The following PSMF1 variants were observed in gnomAD, a reference collection of about 807,000 sequenced individuals.
PSMF1 encodes the protein proteasome inhibitor PI31 subunit.
Under a neutral mutation model 29.3 loss-of-function variants are expected in PSMF1, and 30 were observed. That is an observed-to-expected ratio of 1.02 (90% CI 0.77 to 1.39). The LOEUF (loss-of-function observed/expected upper bound fraction) is 1.39, where lower values mean the gene tolerates loss of function less well. Ranked by LOEUF, PSMF1 falls within the 40% of genes most tolerant of loss-of-function variation. PSMF1 has a pLI of 0.00. For missense variants in PSMF1, 344 were observed against 357.5 expected (o/e 0.96, Z 0.31); for synonymous variants, 134 against 139.7 (o/e 0.96, Z 0.29).
chr20:1,148,086 G>T lies in PSMF1; in HGVS notation c.551+12780G>T, dbSNP rs181650403. 2.2e-3 allele frequency among the ~76,000 whole-genome samples: 332 copies of T among 152,234 alleles called. 3 individuals carry two copies. The highest frequency in any genetic ancestry group is 7.7e-3 in the African/African-American group (318 of 41,534). On this transcript the variant is annotated intron_variant, in intron 4 of 6. Coordinates refer to ENST00000335877, the MANE Select transcript of PSMF1 (RefSeq NM_006814.5). ...TGGAAATTTCCAAATACAAACTAAA[G>T]TTGGAATTGTCTGCCCTAGAGCGTA... is the stretch of plus-strand genomic sequence containing the variant.
At chr20:1,134,886 A>G (rs4813939) in intron 3 of PSMF1, 592,620 of 606,184 alleles carry the variant, frequency 0.98, 289,744 homozygotes, top group East Asian at 1. Flanking sequence ...GGTGGTAAAC[A>G]AGGAGGGGCA....
At chr20:1,151,427 T>C (rs1161017936) in intron 4 of PSMF1, among the ~76,000 whole-genome samples, 2 of 152,260 alleles carry the variant, frequency 1.3e-5, no homozygotes, top group Non-Finnish European at 2.9e-5. Flanking sequence ...TCATTTAATA[T>C]GTATAACAAC....
intron 4 of PSMF1, among the ~76,000 whole-genome samples, chr20:1,136,053 T>C (rs1209370223): frequency 6.6e-6 from 1 of 152,236 alleles, no homozygotes; most frequent in Non-Finnish European, 1.5e-5. Context: ...TTTATTCTGG[T>C]TTGCAATTAT....
intron 4 of PSMF1, among the ~76,000 whole-genome samples, chr20:1,144,105 A>G (rs1347280957): frequency 6.6e-6 from 1 of 152,116 alleles, no homozygotes; most frequent in Non-Finnish European, 1.5e-5. Flanking sequence ...AAAAGAAAAA[A>G]ATGGAAAAAT....
Position 1,166,606 on chromosome 20 carries a change from G to A in PSMF1, c.*1526G>A, listed in dbSNP as rs1244678523. On this transcript the variant is annotated 3_prime_UTR_variant, in exon 7 of 7. Transcript: ENST00000335877. ...GGAGGCTAGCATGCGTGGCTCCCTG[G>A]GTATTTCTGTCAGTCCCCATGGCAA... 1.1e-5 allele frequency: 3 copies of A among 272,024 alleles called. No individual in the cohort carries two copies. The highest frequency in any genetic ancestry group is 4.4e-5 in the Admixed American group (1 of 22,488). The allele number at this position is 272,024 out of a possible 1,614,324, so 16.9% of individuals were successfully genotyped here.
intron 1 of PSMF1, among the ~76,000 whole-genome samples, chr20:1,123,786 A>G (rs2122457834): frequency 6.6e-6 from 1 of 152,374 alleles, no homozygotes; most frequent in East Asian, 1.9e-4. Context: ...GGGGCTGTGC[A>G]AGTTTAAATG....
At chr20:1,123,605 C>G (rs1468848532) in intron 1 of PSMF1, among the ~76,000 whole-genome samples, 1 of 152,160 alleles carries the variant, frequency 6.6e-6, no homozygotes, top group African/African-American at 2.4e-5. Flanking sequence ...TAGTATTCCA[C>G]TATAAGCATA....
chr20:1,156,845 G>T (rs375703119), intron 4 of PSMF1, among the ~76,000 whole-genome samples: 1 of 152,182 alleles, frequency 6.6e-6, no homozygotes, highest in Non-Finnish European at 1.5e-5. Flanking sequence ...TGGTAGAAAT[G>T]GTAAATATGT....
At position 1,169,310 on chromosome 20, in the gene PSMF1, C is replaced by T. The variant is rs548871982; in HGVS notation, c.*4230C>T. The stretch of plus-strand genomic sequence containing the variant: ...AAGGCCTAGCTGACTGAGGACAGAC[C>T]CAGCAACAATGACAGGAGGTTTGAA... On this transcript the variant is annotated 3_prime_UTR_variant, in exon 7 of 7. Transcript: ENST00000335877. 6.6e-6 allele frequency among the ~76,000 whole-genome samples: 1 copy of T among 152,186 alleles called. No individual in the cohort carries two copies. Among genetic ancestry groups the T allele is most frequent in the South Asian group, 2.1e-4 (1 of 4,816 alleles).
At chr20:1,145,056 T>G (rs1411812546) in intron 4 of PSMF1, among the ~76,000 whole-genome samples, 1 of 152,118 alleles carries the variant, frequency 6.6e-6, no homozygotes, top group African/African-American at 2.4e-5. Context: ...CAGCTCATTT[T>G]TGTATTTTTA....
chr20:1,142,715 G>A (rs1600157864), intron 4 of PSMF1, among the ~76,000 whole-genome samples: 1 of 152,210 alleles, frequency 6.6e-6, no homozygotes, highest in African/African-American at 2.4e-5. Flanking sequence ...ATTGTGAATA[G>A]TGCCGCAATA....
intron 4 of PSMF1, among the ~76,000 whole-genome samples, chr20:1,147,172 A>ATCT (rs2086462520): frequency 8.7e-6 from 1 of 114,910 alleles, no homozygotes; most frequent in South Asian, 3.1e-4. Context: ...CATCATCATC[A>ATCT]TCATCACCAC....
intron 3 of PSMF1, among the ~76,000 whole-genome samples, chr20:1,133,569 A>ATATATATATTTTTTTTT: frequency 3.8e-5 from 2 of 53,304 alleles, no homozygotes; most frequent in African/African-American, 5.6e-5. Context: ...ATATATATAT[A>ATATATATATTTTTTTTT]TTTTTTTTTT....
At chr20:1,120,072 C>A (rs1227563589) in intron 1 of PSMF1, among the ~76,000 whole-genome samples, 1 of 152,008 alleles carries the variant, frequency 6.6e-6, no homozygotes, top group Non-Finnish European at 1.5e-5. Context: ...ATCCCCTTTC[C>A]CCCACCCCTC....
At position 1,166,328 on chromosome 20, in the gene PSMF1, C is replaced by G; in HGVS notation, c.*1248C>G. On this transcript the variant is annotated 3_prime_UTR_variant, in exon 7 of 7. Coordinates refer to ENST00000335877, the MANE Select transcript of PSMF1 (RefSeq NM_006814.5). ...AGGCACGAGATCAAGGCGGTAGTCA[C>G]TTCCGCTCTGCAGCTAGCATTTCAA... is the stretch of plus-strand genomic sequence containing the variant. 3 of 1,441,130 alleles carry G rather than the reference C, an allele frequency of 2.1e-6. No homozygotes were observed. Among genetic ancestry groups the G allele is most frequent in the Non-Finnish European group, 2.9e-6 (3 of 1,032,270 alleles). The allele number at this position is 1,441,130 out of a possible 1,614,324, so 89.3% of individuals were successfully genotyped here. A position where few individuals can be genotyped will look rare whatever the true frequency, so the allele number is the denominator to read the frequency against.
In PSMF1 at chr20:1,172,113, C is replaced by G. The variant is rs537380837; in HGVS notation, c.*7033C>G. Among the ~76,000 whole-genome samples the G allele has an allele frequency of 6.6e-6, 1 of 152,216 alleles. No homozygotes were observed. Among genetic ancestry groups the G allele is most frequent in the Admixed American group, 6.5e-5 (1 of 15,280 alleles). ...CAGTGCTCCCCCAACCTGCCCTCCT[C>G]CTCTCCCCCACAGAGCTTCCCAATT... On this transcript the variant is annotated 3_prime_UTR_variant, in exon 7 of 7. Transcript: ENST00000335877.
chr20:1,151,829 G>A (rs2086534218), intron 4 of PSMF1, among the ~76,000 whole-genome samples: 1 of 152,200 alleles, frequency 6.6e-6, no homozygotes, highest in Non-Finnish European at 1.5e-5. Flanking sequence ...AAGTTCTGTG[G>A]TATTGAGGGT....
chr20:1,140,794 T>A (rs1414299135), intron 4 of PSMF1, among the ~76,000 whole-genome samples: 1 of 152,174 alleles, frequency 6.6e-6, no homozygotes, highest in Non-Finnish European at 1.5e-5. Flanking sequence ...GTTCAAAGGA[T>A]TTGAGTAGAT....
chr20:1,134,057 C>T (rs1336885913), intron 3 of PSMF1, among the ~76,000 whole-genome samples: 4 of 150,904 alleles, frequency 2.7e-5, no homozygotes, highest in Non-Finnish European at 5.9e-5. Context: ...GAAGAATTGA[C>T]TTTGTTTCAT....
Sources: gnomAD v4.1 joint callset for allele counts (sites outside exome capture counted in the v4.1 genomes callset) on GRCh38, gnomAD v4.1.1 for gene constraint, MANE v1.5 for transcripts, NCBI Gene and HGNC (gene_info 2026-07-23, HGNC 2026-07-21) for gene names.